Variants in GNAQ observed in about 807,000 individuals in gnomAD.
GNAQ encodes G protein subunit alpha q.
A neutral mutation model predicts 43.9 loss-of-function variants in GNAQ; 8 were observed. That is an observed-to-expected ratio of 0.18 (90% CI 0.11 to 0.33). The LOEUF (loss-of-function observed/expected upper bound fraction) is 0.33. Ranked by LOEUF, GNAQ falls within the 10% of genes least tolerant of loss-of-function variation. The pLI is 1.00. For synonymous variants in GNAQ, 155 were observed against 170.7 expected (o/e 0.91, Z 0.71); for missense variants, 158 against 450.8 (o/e 0.35, Z 5.88).
intron 3 of GNAQ, among the ~76,000 whole-genome samples, chr9:77,808,058 T>C (rs1338339394): frequency 1.3e-5 from 2 of 152,088 alleles, no homozygotes; most frequent in East Asian, 1.9e-4. Flanking sequence ...GTAAAGACTG[T>C]GGAAAGGCCT....
At chr9:77,853,826 A>G (rs1369129359) in intron 2 of GNAQ, among the ~76,000 whole-genome samples, 2 of 151,864 alleles carry the variant, frequency 1.3e-5, no homozygotes, top group Non-Finnish European at 2.9e-5. Flanking sequence ...TCATCAGGAA[A>G]AAAAAGCAAT....
intron 2 of GNAQ, among the ~76,000 whole-genome samples, chr9:77,882,351 C>A (rs1828227388): frequency 6.6e-6 from 1 of 152,068 alleles, no homozygotes; most frequent in Non-Finnish European, 1.5e-5. Context: ...CCAAATTGAA[C>A]CCAGAAGCTT....
intron 2 of GNAQ, among the ~76,000 whole-genome samples, chr9:77,863,866 C>T (rs560786798): frequency 1.5e-4 from 23 of 152,068 alleles, no homozygotes; most frequent in Admixed American, 3.3e-4. Context: ...TTCATGATCA[C>T]GAGAATAGCA....
rs540287569 is a variant in GNAQ, at chr9:77,949,765, T to G, written c.137-27420A>C. On this transcript the variant is annotated intron_variant, in intron 1 of 6. Transcript: ENST00000286548. ...AAATATTAGAGATTCACATGCACAT[T>G]CTCCTTGTGGGCAGGAAACTTTTCC... Among the ~76,000 whole-genome samples, 16 of 152,278 alleles carry G rather than the reference T, an allele frequency of 1.1e-4. No homozygotes were observed. The South Asian group carries it at 3.1e-3, about 30-fold the overall frequency.
At chr9:77,985,037 G>A (rs1159173133) in intron 1 of GNAQ, among the ~76,000 whole-genome samples, 3 of 152,166 alleles carry the variant, frequency 2.0e-5, no homozygotes, top group Admixed American at 6.6e-5. Flanking sequence ...TGGGCCAGGC[G>A]CGGTGACTCA....
intron 2 of GNAQ, among the ~76,000 whole-genome samples, chr9:77,895,022 C>T (rs996818582): frequency 1.3e-5 from 2 of 149,928 alleles, no homozygotes; most frequent in African/African-American, 4.9e-5. Context: ...ACCCCTGTCT[C>T]TACTAAAAAT....
intron 2 of GNAQ, among the ~76,000 whole-genome samples, chr9:77,880,556 T>G (rs1464129427): frequency 1.4e-4 from 3 of 21,060 alleles, no homozygotes; most frequent in East Asian, 2.7e-3. Flanking sequence ...ATTTTTTCTG[T>G]TTTTTTTTTT....
intron 2 of GNAQ, among the ~76,000 whole-genome samples, chr9:77,898,119 C>T (rs994825124): frequency 5.9e-5 from 9 of 152,124 alleles, no homozygotes; most frequent in African/African-American, 2.2e-4. Flanking sequence ...TACCAAGAGG[C>T]CAACTGTTCT....
chr9:77,775,249 T>A (rs1293077143), intron 5 of GNAQ, among the ~76,000 whole-genome samples: 12 of 152,176 alleles, frequency 7.9e-5, no homozygotes, highest in African/African-American at 2.9e-4. Flanking sequence ...ACATGTAACC[T>A]ACTAACTACA....
chr9:77,741,238 AC>A (rs1825649817), intron 5 of GNAQ, among the ~76,000 whole-genome samples: 1 of 152,248 alleles, frequency 6.6e-6, no homozygotes, highest in African/African-American at 2.4e-5. Flanking sequence ...AAGTTGAGTA[AC>A]ACATGTAGAA....
At position 77,943,484 on chromosome 9, in the gene GNAQ, T is replaced by A. The variant is rs570268545; in HGVS notation, c.137-21139A>T. Among the ~76,000 whole-genome samples, 4 of 152,258 alleles carry A rather than the reference T, an allele frequency of 2.6e-5. No homozygotes were observed. The South Asian group carries it at 8.3e-4, about 32-fold the overall frequency. ...GTCACAGGAATAATATGGGTCACAATTCTCCCATATTTACAAGAGTCAGAC... is the reference window on the plus strand; with the variant it reads ...GTCACAGGAATAATATGGGTCACAAATCTCCCATATTTACAAGAGTCAGAC... On this transcript the variant is annotated intron_variant, in intron 1 of 6. Coordinates refer to ENST00000286548, the MANE Select transcript of GNAQ (RefSeq NM_002072.5).
At chr9:77,792,375 C>T (rs910622004) in intron 5 of GNAQ, among the ~76,000 whole-genome samples, 4 of 152,094 alleles carry the variant, frequency 2.6e-5, no homozygotes, top group South Asian at 2.1e-4. Context: ...TATTTTTAGA[C>T]GTTCTTAGTA....
chr9:77,734,703 T>A (rs1825549458), intron 5 of GNAQ, among the ~76,000 whole-genome samples: 1 of 152,026 alleles, frequency 6.6e-6, no homozygotes, highest in Non-Finnish European at 1.5e-5. Flanking sequence ...GTCAGGTGAC[T>A]GTGATTCTGT....
At chr9:77,804,182 CTT>C (rs1438737761) in intron 3 of GNAQ, among the ~76,000 whole-genome samples, 4 of 152,074 alleles carry the variant, frequency 2.6e-5, no homozygotes, top group Non-Finnish European at 5.9e-5. Flanking sequence ...TTAAAAGTCT[CTT>C]TTTAAGATTA....
chr9:77,789,232 A>G (rs1015604351), intron 5 of GNAQ, among the ~76,000 whole-genome samples: 4 of 152,246 alleles, frequency 2.6e-5, no homozygotes, highest in African/African-American at 9.6e-5. Context: ...AAAATAACAT[A>G]TAACCATAAA....
chr9:77,964,507 G>A (rs979474199), intron 1 of GNAQ, among the ~76,000 whole-genome samples: 2 of 152,136 alleles, frequency 1.3e-5, no homozygotes, highest in Non-Finnish European at 2.9e-5. Flanking sequence ...AAGTGCACCT[G>A]AAGCATTTAT....
intron 2 of GNAQ, among the ~76,000 whole-genome samples, chr9:77,874,121 A>G (rs1587379291): frequency 6.6e-6 from 1 of 151,584 alleles, no homozygotes; most frequent in South Asian, 2.1e-4. Context: ...AAAAAACAAA[A>G]AAACAAAAAA....
intron 5 of GNAQ, among the ~76,000 whole-genome samples, chr9:77,790,470 CA>C (rs1826550436): frequency 6.6e-6 from 1 of 152,100 alleles, no homozygotes; most frequent in Non-Finnish European, 1.5e-5. Flanking sequence ...GAGACGGATC[CA>C]AAGGAAATGC....
intron 3 of GNAQ, among the ~76,000 whole-genome samples, chr9:77,808,884 C>A (rs1467057646): frequency 3.3e-5 from 5 of 151,410 alleles, no homozygotes; most frequent in Admixed American, 1.3e-4. Flanking sequence ...CAAAACAAAA[C>A]AAAACAAAAC....
Sources: gnomAD v4.1 joint callset for allele counts (sites outside exome capture counted in the v4.1 genomes callset) on GRCh38, gnomAD v4.1.1 for gene constraint, MANE v1.5 for transcripts, NCBI Gene and HGNC (gene_info 2026-07-23, HGNC 2026-07-21) for gene names.